RBM25: variants seen among roughly 807,000 people sequenced by gnomAD.
RBM25 encodes RNA-binding protein 25.
Under a neutral mutation model 120.7 loss-of-function variants are expected in RBM25, and 19 were observed. The observed-to-expected ratio is 0.16, with a 90% CI of 0.11 to 0.23. The LOEUF (loss-of-function observed/expected upper bound fraction) is 0.23, where lower values mean the gene tolerates loss of function less well. Among genes scored for constraint, RBM25 ranks in the 10% least tolerant of loss-of-function variants. The pLI is 1.00. For missense variants in RBM25, 605 were observed against 1,041.5 expected (o/e 0.58, Z 5.77); for synonymous variants, 390 against 326.7 (o/e 1.19, Z -2.09).
In RBM25 at chr14:73,080,761, T is replaced by A. The variant is rs189156569; in HGVS notation, c.325-2733T>A. ...AATAAGTATTATTATGTAAATAGTT[T>A]TAGCAGAACTAGGTTATGTGCTATG... is the stretch of plus-strand genomic sequence containing the variant. On this transcript the variant is annotated intron_variant, in intron 4 of 18. Transcript: ENST00000261973. Among the ~76,000 whole-genome samples the A allele has an allele frequency of 2.0e-3, 312 of 152,276 alleles. 1 individual carries two copies. Among genetic ancestry groups the A allele is most frequent in the African/African-American group, 7.1e-3 (295 of 41,564 alleles).
Position 73,123,253 on chromosome 14 carries a change from A to G in RBM25, c.*3448A>G, listed in dbSNP as rs1896566348. On this transcript the variant is annotated 3_prime_UTR_variant, in exon 19 of 19. Coordinates refer to ENST00000261973, the MANE Select transcript of RBM25 (RefSeq NM_021239.3). ...TAGCTTGAGAGCCAATTTGAACTAG[A>G]CACTATCTTTTTTTCTCCTTTTTAA... 1 of 152,108 alleles carries G rather than the reference A, an allele frequency of 6.6e-6. No individual in the cohort carries two copies. Among genetic ancestry groups the G allele is most frequent in the Non-Finnish European group, 1.5e-5 (1 of 68,026 alleles). 9.4% of individuals were successfully genotyped at this position (152,108 alleles called of 1,614,324 possible).
chr14:73,064,511 C>G lies in RBM25; in HGVS notation c.-16+5806C>G, dbSNP rs1317158652. Among the ~76,000 whole-genome samples, 3 of 151,076 alleles carry G rather than the reference C, an allele frequency of 2.0e-5. 1 individual carries two copies. Among genetic ancestry groups the G allele is most frequent in the Non-Finnish European group, 4.4e-5 (3 of 67,426 alleles). The stretch of plus-strand genomic sequence containing the variant: ...CCAGGTTTAAGCAATTCTCCTGCCT[C>G]AGTCTCCCGAGTAGCTGGGACTACG... On this transcript the variant is annotated intron_variant, in intron 1 of 18. Coordinates refer to ENST00000261973, the MANE Select transcript of RBM25 (RefSeq NM_021239.3).
intron 1 of RBM25, among the ~76,000 whole-genome samples, chr14:73,066,163 G>GT (rs1321699601): frequency 6.6e-6 from 1 of 152,130 alleles, no homozygotes; most frequent in East Asian, 1.9e-4. Context: ...AGCCCTTTCT[G>GT]TTTTAAAAAG....
Position 73,062,867 on chromosome 14 carries a change from C to G in RBM25, c.-16+4162C>G, listed in dbSNP as rs114274142. On this transcript the variant is annotated intron_variant, in intron 1 of 18. Coordinates refer to ENST00000261973, the MANE Select transcript of RBM25 (RefSeq NM_021239.3). ...GGGGGGCCTCACTCTGTCGCCCAGG[C>G]TTGAGTGCAGTGGTGTGAGCTCGGC... Among the ~76,000 whole-genome samples, 492 of 151,330 alleles carry G rather than the reference C, an allele frequency of 3.3e-3. 4 individuals carry two copies. The highest frequency in any genetic ancestry group is 0.011 in the African/African-American group (475 of 41,456).
intron 5 of RBM25, 35 bp from the exon 6 acceptor site, chr14:73,087,966 T>C (rs1381425118): frequency 1.3e-6 from 2 of 1,581,212 alleles, no homozygotes; most frequent in Non-Finnish European, 1.7e-6. Context: ...TGTAAGTGAA[T>C]TGGTATTTCA....
At position 73,091,278 on chromosome 14, in the gene RBM25, G is replaced by A. The variant is rs568514037; in HGVS notation, c.543+3117G>A. ...GTTGCTCTGTCACCCAGGCTCGAGT[G>A]TGGGGTGGTGTGATCTCTGCTCACT... On this transcript the variant is annotated intron_variant, in intron 6 of 18. Coordinates refer to ENST00000261973, the MANE Select transcript of RBM25 (RefSeq NM_021239.3). 5.9e-4 allele frequency among the ~76,000 whole-genome samples: 90 copies of A among 152,294 alleles called. 1 individual carries two copies. The Middle Eastern group carries it at 0.024, about 41-fold the overall frequency.
chr14:73,074,596 A>C (rs1895370318), intron 2 of RBM25, among the ~76,000 whole-genome samples: 1 of 152,134 alleles, frequency 6.6e-6, no homozygotes, highest in Non-Finnish European at 1.5e-5. Context: ...GGGTGGCAGT[A>C]AGCTTAATTG....
intron 18 of RBM25, among the ~76,000 whole-genome samples, chr14:73,116,652 G>A (rs1402781459): frequency 6.6e-6 from 1 of 152,170 alleles, no homozygotes; most frequent in African/African-American, 2.4e-5. Flanking sequence ...AGAGGGTGTC[G>A]TAGTTAGGCC....
chr14:73,098,190 C>T (rs146078631), intron 7 of RBM25, among the ~76,000 whole-genome samples: 10 of 152,292 alleles, frequency 6.6e-5, no homozygotes, highest in Non-Finnish European at 1.2e-4. Flanking sequence ...AGGATGGTGG[C>T]GCAATTACGG....
intron 9 of RBM25, chr14:73,100,483 C>G (rs1418016240): frequency 4.1e-6 from 2 of 491,076 alleles, no homozygotes; most frequent in East Asian, 3.1e-5. Flanking sequence ...CGAGTTTTGC[C>G]TATTTGAAGC....
At chr14:73,099,636 T>G in intron 8 of RBM25, 31 bp from the exon 9 acceptor site, 1 of 1,590,408 alleles carries the variant, frequency 6.3e-7, no homozygotes, top group Non-Finnish European at 8.5e-7. Context: ...GTGTTCTTTA[T>G]TCATTCCCTC....
chr14:73,103,616 A>C, intron 10 of RBM25, 138 bp downstream of exon 10: 1 of 1,301,032 alleles, frequency 7.7e-7, no homozygotes, highest in Non-Finnish European at 1.0e-6. Flanking sequence ...CTCAGCCTGG[A>C]CTGCAGTGGC....
At position 73,120,238 on chromosome 14, in the gene RBM25, TC is replaced by T. The variant is rs1896516112; in HGVS notation, c.*434del. 6.5e-6 allele frequency: 1 copy of T among 153,728 alleles called. No individual in the cohort carries two copies. The highest frequency in any genetic ancestry group is 2.4e-5 in the African/African-American group (1 of 41,480). The allele number at this position is 153,728 out of a possible 1,614,324, so 9.5% of individuals were successfully genotyped here. A position where few individuals can be genotyped will look rare whatever the true frequency, so the allele number is the denominator to read the frequency against. On this transcript the variant is annotated 3_prime_UTR_variant, in exon 19 of 19. Coordinates refer to ENST00000261973, the MANE Select transcript of RBM25 (RefSeq NM_021239.3). Reference sequence around the variant, plus strand: ...TATTACCACCCCCACTCTCTTTTGATCAGAAATGGCAAGCCCTTGTGAAGGC... The same window carrying T: ...TATTACCACCCCCACTCTCTTTTGATAGAAATGGCAAGCCCTTGTGAAGGC...
intron 17 of RBM25, among the ~76,000 whole-genome samples, chr14:73,112,947 G>T (rs1896345900): frequency 6.6e-6 from 1 of 152,024 alleles, no homozygotes; most frequent in South Asian, 2.1e-4. Flanking sequence ...GGAACTATAG[G>T]CATATGCCAC....
chr14:73,063,125 G>C (rs1895043857), intron 1 of RBM25, among the ~76,000 whole-genome samples: 1 of 150,416 alleles, frequency 6.6e-6, no homozygotes, highest in Admixed American at 6.6e-5. Flanking sequence ...CCTGGCCCAG[G>C]TTCCTGTTTT....
rs576167033 is a variant in RBM25, at chr14:73,105,749, C to T, written c.1155-110C>T. ...TTTTATGGAAATCAAGTGCTAGATTCTGGCCTGTGAGATTTTATATTATTT... is the reference window on the plus strand; with the variant it reads ...TTTTATGGAAATCAAGTGCTAGATTTTGGCCTGTGAGATTTTATATTATTT... On this transcript the variant is annotated intron_variant, in intron 10 of 18. Coordinates refer to ENST00000261973, the MANE Select transcript of RBM25 (RefSeq NM_021239.3). 231 of 1,481,254 alleles carry T rather than the reference C, an allele frequency of 1.6e-4. No homozygotes were observed. In the African/African-American group the frequency reaches 3.1e-3, roughly 20 times the overall value. The allele number at this position is 1,481,254 out of a possible 1,614,324, so 91.8% of individuals were successfully genotyped here.
chr14:73,105,062 CACAG>C (rs754785033), intron 10 of RBM25, among the ~76,000 whole-genome samples: 8 of 149,116 alleles, frequency 5.4e-5, no homozygotes, highest in African/African-American at 1.5e-4. Context: ...CACACACACA[CACAG>C]AGTTATTTGA....
intron 6 of RBM25, among the ~76,000 whole-genome samples, chr14:73,094,815 GTGTGTGTGTGTGTGTGTGTGTGTGTGTC>G (rs1222623357): frequency 5.9e-5 from 2 of 33,786 alleles, no homozygotes; most frequent in Non-Finnish European, 1.3e-4. Flanking sequence ...AGCGAGGTGT[GTGTGTGTGTGTGTGTGTGTGTGTGTGTC>G]TGTGTGTGTG....
At chr14:73,098,046 G>A (rs1895986150) in intron 7 of RBM25, among the ~76,000 whole-genome samples, 1 of 152,144 alleles carries the variant, frequency 6.6e-6, no homozygotes, top group Admixed American at 6.5e-5. Flanking sequence ...AGAATTACTT[G>A]AGCCCATGAA....
Sources: allele counts gnomAD v4.1 joint callset (sites outside exome capture counted in the v4.1 genomes callset), GRCh38; gene constraint gnomAD v4.1.1; transcripts MANE v1.5; gene names NCBI Gene and HGNC (gene_info 2026-07-23, HGNC 2026-07-21).